NAALADL2: variants seen among roughly 807,000 people sequenced by gnomAD.
NAALADL2 encodes the protein inactive N-acetylated-alpha-linked acidic dipeptidase-like protein 2.
NAALADL2 carries 76 observed loss-of-function variants against 87.2 expected under a neutral mutation model. The observed-to-expected ratio is 0.87, with a 90% CI of 0.72 to 1.05. The LOEUF is 1.05. Ranked by LOEUF, NAALADL2 falls within the 50% of genes least tolerant of loss-of-function variation. The pLI is 0.00. For synonymous variants in NAALADL2, 354 were observed against 331.0 expected (o/e 1.07, Z -0.75); for missense variants, 1,089 against 945.8 (o/e 1.15, Z -1.99).
chr3:174,780,917 C>T (rs999745458), intron 3 of NAALADL2, among the ~76,000 whole-genome samples: 13 of 151,920 alleles, frequency 8.6e-5, no homozygotes, highest in African/African-American at 1.9e-4. Context: ...TGGCTGGTAC[C>T]GGTTTTTCCT....
intron 2 of NAALADL2, among the ~76,000 whole-genome samples, chr3:174,613,267 CA>C (rs61423770): frequency 6.6e-6 from 1 of 152,092 alleles, no homozygotes; most frequent in South Asian, 2.1e-4. Context: ...GGGTCTTGCC[CA>C]AGGCCTGCTG....
intron 4 of NAALADL2, among the ~76,000 whole-genome samples, chr3:175,259,854 C>T (rs1211127309): frequency 6.6e-6 from 1 of 152,030 alleles, no homozygotes; most frequent in East Asian, 1.9e-4. Context: ...ATGGCAAAAC[C>T]CTGTCTCTAC....
chr3:175,776,606 G>T (rs1274535302), intron 13 of NAALADL2, among the ~76,000 whole-genome samples: 1 of 151,994 alleles, frequency 6.6e-6, no homozygotes, highest in Non-Finnish European at 1.5e-5. Context: ...TTTACATTAA[G>T]AAACAGTTAT....
chr3:175,354,560 G>A (rs1764132582), intron 5 of NAALADL2, among the ~76,000 whole-genome samples: 1 of 151,928 alleles, frequency 6.6e-6, no homozygotes, highest in African/African-American at 2.4e-5. Flanking sequence ...TTTTTTCCAT[G>A]TTCTATAAAA....
intron 2 of NAALADL2, among the ~76,000 whole-genome samples, chr3:174,609,113 A>G (rs1361649964): frequency 6.6e-6 from 1 of 151,922 alleles, no homozygotes. Flanking sequence ...AAATTCAACA[A>G]CACTTCATGC....
chr3:175,015,073 G>A (rs1460167337), intron 1 of NAALADL2, among the ~76,000 whole-genome samples: 1 of 151,998 alleles, frequency 6.6e-6, no homozygotes, highest in Non-Finnish European at 1.5e-5. Flanking sequence ...CAAGTCAATT[G>A]TGCATCATTT....
chr3:175,322,489 G>A (rs1760034674), intron 4 of NAALADL2, among the ~76,000 whole-genome samples: 1 of 96,808 alleles, frequency 1.0e-5, no homozygotes, highest in Non-Finnish European at 1.9e-5. Context: ...TTGACAAATG[G>A]GATCTAATTA....
intron 1 of NAALADL2, among the ~76,000 whole-genome samples, chr3:175,047,754 T>C (rs936929221): frequency 1.3e-5 from 2 of 152,216 alleles, no homozygotes; most frequent in African/African-American, 4.8e-5. Flanking sequence ...CACAATTTTA[T>C]ATTATTAAAA....
chr3:174,521,786 G>A (rs1474284908), intron 1 of NAALADL2, among the ~76,000 whole-genome samples: 1 of 152,070 alleles, frequency 6.6e-6, no homozygotes, highest in Non-Finnish European at 1.5e-5. Context: ...CTTCAAAAGG[G>A]TGTAGAAGGA....
chr3:174,887,754 A>G (rs978906263), intron 1 of NAALADL2, among the ~76,000 whole-genome samples: 46 of 152,040 alleles, frequency 3.0e-4, no homozygotes, highest in African/African-American at 9.2e-4. Flanking sequence ...CCATTTCACA[A>G]TACTGTTCTC....
At chr3:174,818,639 G>T (rs1004286885) in intron 3 of NAALADL2, among the ~76,000 whole-genome samples, 1 of 152,006 alleles carries the variant, frequency 6.6e-6, no homozygotes, top group Non-Finnish European at 1.5e-5. Context: ...GAATTTGCAC[G>T]CCCTAAGAAG....
At chr3:175,294,340 T>G (rs1458148596) in intron 4 of NAALADL2, among the ~76,000 whole-genome samples, 1 of 151,584 alleles carries the variant, frequency 6.6e-6, no homozygotes, top group East Asian at 1.9e-4. Context: ...ACTTACATTT[T>G]TAATATTCAC....
At chr3:174,905,188 T>A (rs1330323006) in intron 1 of NAALADL2, among the ~76,000 whole-genome samples, 1 of 150,706 alleles carries the variant, frequency 6.6e-6, no homozygotes, top group Non-Finnish European at 1.5e-5. Flanking sequence ...CACATTCTAA[T>A]GATTTATTAA....
At chr3:175,319,212 C>T (rs758281709) in intron 4 of NAALADL2, among the ~76,000 whole-genome samples, 1 of 152,156 alleles carries the variant, frequency 6.6e-6, no homozygotes, top group Non-Finnish European at 1.5e-5. Context: ...TCTACTAAAA[C>T]ACTGAAGGGA....
At chr3:174,714,014 C>T (rs2108926655) in intron 2 of NAALADL2, among the ~76,000 whole-genome samples, 1 of 152,284 alleles carries the variant, frequency 6.6e-6, no homozygotes, top group East Asian at 1.9e-4. Context: ...CAGCTTTCTA[C>T]ATATGGCTAG....
intron 9 of NAALADL2, among the ~76,000 whole-genome samples, chr3:175,482,680 A>G (rs1276639584): frequency 6.6e-6 from 1 of 151,816 alleles, no homozygotes; most frequent in Non-Finnish European, 1.5e-5. Context: ...TCTCTAACCT[A>G]CTAATTTTGT....
At chr3:174,815,071 A>G (rs1720641797) in intron 3 of NAALADL2, among the ~76,000 whole-genome samples, 1 of 152,146 alleles carries the variant, frequency 6.6e-6, no homozygotes, top group Admixed American at 6.5e-5. Context: ...GCTGGTGGGG[A>G]AACAAACTAT....
intron 11 of NAALADL2, among the ~76,000 whole-genome samples, chr3:175,646,301 G>T (rs561797585): frequency 5.9e-5 from 9 of 151,828 alleles, no homozygotes; most frequent in South Asian, 4.2e-4. Context: ...TAAACAATAA[G>T]AACATGTTCC....
intron 2 of NAALADL2, among the ~76,000 whole-genome samples, chr3:174,572,923 C>T (rs1265890863): frequency 6.6e-6 from 1 of 152,024 alleles, no homozygotes; most frequent in African/African-American, 2.4e-5. Flanking sequence ...TGGTATGATC[C>T]TAATTTCCCA....
Sources: gnomAD v4.1 joint callset for allele counts (sites outside exome capture counted in the v4.1 genomes callset) on GRCh38, gnomAD v4.1.1 for gene constraint, MANE v1.5 for transcripts, NCBI Gene and HGNC (gene_info 2026-07-23, HGNC 2026-07-21) for gene names.